HIPK3: variants seen among roughly 807,000 people sequenced by gnomAD.
HIPK3 encodes homeodomain-interacting protein kinase 3.
A neutral mutation model predicts 124.2 loss-of-function variants in HIPK3; 47 were observed. That is an observed-to-expected ratio of 0.38 (90% CI 0.30 to 0.48). The LOEUF (loss-of-function observed/expected upper bound fraction) is 0.48, where lower values mean the gene tolerates loss of function less well. HIPK3 is among the 20% of genes least tolerant of loss of function. The pLI is 0.98. For synonymous variants in HIPK3, 482 were observed against 515.2 expected (o/e 0.94, Z 0.87); for missense variants, 1,286 against 1,454.3 (o/e 0.88, Z 1.88).
chr11:33,258,773 C>A, intron 1 of HIPK3: 1 of 966,668 alleles, frequency 1.0e-6, no homozygotes, highest in Non-Finnish European at 1.2e-6. Flanking sequence ...CGTAAATTAC[C>A]TTGGACTTGT....
intron 2 of HIPK3, among the ~76,000 whole-genome samples, chr11:33,310,075 T>C (rs1852276201): frequency 6.6e-6 from 1 of 152,218 alleles, no homozygotes; most frequent in African/African-American, 2.4e-5. Flanking sequence ...TCTACCAATA[T>C]CTTTTCCCCC....
chr11:33,305,249 G>C (rs1034857016), intron 2 of HIPK3, among the ~76,000 whole-genome samples: 2 of 152,136 alleles, frequency 1.3e-5, no homozygotes, highest in African/African-American at 4.8e-5. Flanking sequence ...TGATCTGCCT[G>C]CCTCAGCCTC....
chr11:33,321,626 A>G (rs1852665225), intron 2 of HIPK3, among the ~76,000 whole-genome samples: 1 of 152,176 alleles, frequency 6.6e-6, no homozygotes, highest in African/African-American at 2.4e-5. Flanking sequence ...TATTTTAGTA[A>G]AGTAGAATAC....
chr11:33,330,750 G>A (rs1590177877), intron 3 of HIPK3, among the ~76,000 whole-genome samples: 3 of 151,046 alleles, frequency 2.0e-5, no homozygotes, highest in African/African-American at 7.3e-5. Context: ...TTCAAGCATG[G>A]TATTTGTTAT....
intron 1 of HIPK3, among the ~76,000 whole-genome samples, chr11:33,281,098 C>G (rs955748096): frequency 2.2e-4 from 28 of 125,808 alleles, no homozygotes; most frequent in Non-Finnish European, 2.7e-4. Flanking sequence ...AAGGCAGAGT[C>G]TTGCTCTGTC....
intron 2 of HIPK3, among the ~76,000 whole-genome samples, chr11:33,318,797 C>T (rs1393212509): frequency 1.3e-5 from 2 of 152,154 alleles, no homozygotes; most frequent in Non-Finnish European, 2.9e-5. Context: ...TCAGTATTTT[C>T]CTGCTCTGTA....
rs772499872 is a variant in HIPK3 at position 33,286,528 on chromosome 11, A to C, written c.114A>C (p.Arg38Ser). Residue 38 changes from arginine to serine, a missense_variant, in exon 2 of 17, where the codon AGA (arginine) becomes AGC (serine). Physicochemically the swap from Arg to Ser is moderately radical, Grantham distance 110 (BLOSUM62 -1). Transcript: ENST00000303296. ...CAAGCAGTTGTGTATTCCAGGAAAGAAACTATCCACGGACCTATGTGAATG... is the reference window on the plus strand; with the variant it reads ...CAAGCAGTTGTGTATTCCAGGAAAGCAACTATCCACGGACCTATGTGAATG... Reference protein sequence around the residue: ...VEPSSCVFQERNYPRTYVNGR... With the variant: ...VEPSSCVFQESNYPRTYVNGR... The C allele has an allele frequency of 1.4e-5, 23 of 1,614,140 alleles. No homozygotes were observed. In the East Asian group the frequency reaches 5.1e-4, roughly 36 times the overall value.
rs780095519 is a variant in HIPK3 at position 33,341,136 on chromosome 11, G to A, written c.1773+9G>A. On this transcript the variant is annotated intron_variant, in intron 7 of 16. Coordinates refer to ENST00000303296, the MANE Select transcript of HIPK3 (RefSeq NM_005734.5). The stretch of plus-strand genomic sequence containing the variant: ...GAACATTAAGAAGTCAGGTAAGAAT[G>A]TGTAGTAATTAATAACTTAGGGTCT... 3.2e-6 allele frequency: 5 copies of A among 1,551,616 alleles called. No homozygotes were observed. The highest frequency in any genetic ancestry group is 1.4e-5 in the African/African-American group (1 of 72,050).
chr11:33,336,321 A>C (rs1285195664), intron 3 of HIPK3, among the ~76,000 whole-genome samples: 1 of 152,200 alleles, frequency 6.6e-6, no homozygotes, highest in East Asian at 1.9e-4. Context: ...CCCATCAACT[A>C]CCATGCCTCT....
At chr11:33,341,185 CT>C in intron 7 of HIPK3, 58 bp downstream of exon 7, 1 of 1,241,716 alleles carries the variant, frequency 8.1e-7, no homozygotes, top group Non-Finnish European at 1.1e-6. Context: ...GCGCATTTTA[CT>C]TTTGATATAT....
chr11:33,294,130 G>A (rs1851774687), intron 2 of HIPK3, among the ~76,000 whole-genome samples: 1 of 149,322 alleles, frequency 6.7e-6, no homozygotes, highest in African/African-American at 2.5e-5. Context: ...CTCCAGCCTG[G>A]GCAACAGAGC....
chr11:33,349,529 A>T (rs912102188), intron 14 of HIPK3, among the ~76,000 whole-genome samples: 1 of 152,022 alleles, frequency 6.6e-6, no homozygotes, highest in Non-Finnish European at 1.5e-5. Context: ...GCTCACAGCA[A>T]CCTCTGCCTC....
chr11:33,350,741 C>T (rs948156660), intron 14 of HIPK3, among the ~76,000 whole-genome samples: 1 of 152,012 alleles, frequency 6.6e-6, no homozygotes, highest in Non-Finnish European at 1.5e-5. Context: ...TGGCAACAAA[C>T]ATTTGAAAAA....
At chr11:33,352,962 AT>A (rs1320526755) in intron 16 of HIPK3, 129 bp from the exon 17 acceptor site, 3 of 596,914 alleles carry the variant, frequency 5.0e-6, no homozygotes, top group Non-Finnish European at 8.9e-6. Flanking sequence ...TATTCTTAGT[AT>A]AAGTTAGTTC....
intron 2 of HIPK3, among the ~76,000 whole-genome samples, chr11:33,326,209 T>C (rs1184669064): frequency 1.3e-5 from 2 of 152,186 alleles, no homozygotes; most frequent in Admixed American, 1.3e-4. Flanking sequence ...AGTGTAAGGC[T>C]TTGGTTCTCA....
intron 12 of HIPK3, 60 bp downstream of exon 12, chr11:33,348,288 A>G: frequency 2.1e-6 from 3 of 1,446,338 alleles, no homozygotes; most frequent in Non-Finnish European, 2.9e-6. Context: ...GCAATTGTGG[A>G]CATTCAGATA....
intron 2 of HIPK3, among the ~76,000 whole-genome samples, chr11:33,327,921 G>A (rs1274811116): frequency 6.6e-6 from 1 of 152,140 alleles, no homozygotes; most frequent in African/African-American, 2.4e-5. Context: ...ACACTTTTAA[G>A]TGCTGAAATG....
rs1267791442 is a variant in HIPK3 at position 33,348,768 on chromosome 11, C to T, written c.2616C>T (p.Ile872=). ...SPSPAVSVIT[I]SSDTDEEETS... ...GTCCTGCAGTGAGTGTCATCACTATCAGCAGTGACACTGATGAGGAAGAGA... is the reference window on the plus strand; with the variant it reads ...GTCCTGCAGTGAGTGTCATCACTATTAGCAGTGACACTGATGAGGAAGAGA... The change falls in exon 13 of 17, where the codon ATC becomes ATT. Residue 872 remains isoleucine (I), a synonymous_variant. Coordinates refer to ENST00000303296, the MANE Select transcript of HIPK3 (RefSeq NM_005734.5). 1.5e-5 allele frequency: 24 copies of T among 1,613,996 alleles called. No individual in the cohort carries two copies. The highest frequency in any genetic ancestry group is 1.9e-5 in the Non-Finnish European group (23 of 1,179,968).
intron 1 of HIPK3, among the ~76,000 whole-genome samples, chr11:33,266,119 T>C (rs898036904): frequency 1.7e-4 from 25 of 149,526 alleles, no homozygotes; most frequent in African/African-American, 5.9e-4. Context: ...GAACGTCCAC[T>C]AAGTGCAAGG....
Sources: allele counts gnomAD v4.1 joint callset (sites outside exome capture counted in the v4.1 genomes callset), GRCh38; gene constraint gnomAD v4.1.1; transcripts MANE v1.5; gene names NCBI Gene and HGNC (gene_info 2026-07-23, HGNC 2026-07-21).